Variants in TGFB1 observed in about 807,000 individuals in gnomAD.
TGFB1 encodes the protein transforming growth factor beta-1 proprotein.
In TGFB1, 19 loss-of-function variants were observed where a neutral mutation model predicts 43.8. That is an observed-to-expected ratio of 0.43 (90% CI 0.30 to 0.64). The LOEUF is 0.64. Ranked by LOEUF, TGFB1 falls within the 30% of genes least tolerant of loss-of-function variation. The pLI, the probability that TGFB1 is intolerant of heterozygous loss-of-function variation, is 0.11. For missense variants in TGFB1, 445 were observed against 529.8 expected (o/e 0.84, Z 1.57); for synonymous variants, 221 against 236.3 (o/e 0.94, Z 0.60).
intron 5 of TGFB1, among the ~76,000 whole-genome samples, chr19:41,338,191 CA>C (rs112843512): frequency 0.044 from 6,031 of 135,804 alleles, 159 homozygotes; most frequent in South Asian, 0.087. Context: ...GACTCTGTCT[CA>C]AAAAAAAAAA....
chr19:41,344,824 A>C lies in TGFB1; in HGVS notation c.557T>G (p.Leu186Arg). 6.2e-7 allele frequency: 1 copy of C among 1,609,314 alleles called. No individual in the cohort carries two copies. Among genetic ancestry groups the C allele is most frequent in the Non-Finnish European group, 8.5e-7 (1 of 1,177,794 alleles). The change falls in exon 3 of 7, where the codon CTG becomes CGG. Residue 186 changes from leucine to arginine, a missense_variant. Leu to Arg is a moderately radical substitution (Grantham distance 102). Around this residue, in one of 3 missense-constraint regions of TGFB1, gnomAD observed 366 missense variants for 428.8 expected, o/e 0.85. Coordinates refer to ENST00000221930, the MANE Select transcript of TGFB1 (RefSeq NM_000660.7). ...NNSWRYLSNR[L>R]LAPSDSPEWL... ...CTCTGGCGAGTCGCTGGGTGCCAGC[A>C]GCCGGTTGCTGAGGTATCGCCAGGA...
Position 41,330,855 on chromosome 19 carries a change from T to G in TGFB1, c.*197A>C. 2.2e-5 allele frequency: 11 copies of G among 501,654 alleles called. No individual in the cohort carries two copies. Among genetic ancestry groups the G allele is most frequent in the Non-Finnish European group, 3.2e-5 (9 of 284,704 alleles). 31.1% of individuals were successfully genotyped at this position (501,654 alleles called of 1,614,324 possible). A position where few individuals can be genotyped will look rare whatever the true frequency, so the allele number is the denominator to read the frequency against. ...GAGAGGGAGAGAGAGGGAGTGGGAGTGGGGGAACGTCAGGGATGGAGACCC... is the reference window on the plus strand; with the variant it reads ...GAGAGGGAGAGAGAGGGAGTGGGAGGGGGGGAACGTCAGGGATGGAGACCC... On this transcript the variant is annotated 3_prime_UTR_variant, in exon 7 of 7. Coordinates refer to ENST00000221930, the MANE Select transcript of TGFB1 (RefSeq NM_000660.7).
chr19:41,347,510 G>A (rs917622395), intron 2 of TGFB1, among the ~76,000 whole-genome samples: 1 of 151,962 alleles, frequency 6.6e-6, no homozygotes, highest in African/African-American at 2.4e-5. Context: ...AACATCCTAG[G>A]ATGCAAAGAG....
chr19:41,331,485 C>T (rs1429609600), intron 6 of TGFB1, among the ~76,000 whole-genome samples: 1 of 151,932 alleles, frequency 6.6e-6, no homozygotes, highest in Admixed American at 6.6e-5. Context: ...TCGCTGCAGC[C>T]TCAACCTCCT....
intron 5 of TGFB1, among the ~76,000 whole-genome samples, chr19:41,334,191 A>G (rs2037964628): frequency 6.6e-6 from 1 of 151,860 alleles, no homozygotes; most frequent in African/African-American, 2.4e-5. Context: ...CCTGACCAAC[A>G]TGGCGAAACC....
At chr19:41,336,990 C>G (rs2037994953) in intron 5 of TGFB1, among the ~76,000 whole-genome samples, 1 of 150,236 alleles carries the variant, frequency 6.7e-6, no homozygotes, top group Admixed American at 6.6e-5. Flanking sequence ...TGGAGTCTCA[C>G]TCTGTCACCC....
intron 5 of TGFB1, among the ~76,000 whole-genome samples, chr19:41,337,694 C>G (rs1209165409): frequency 6.6e-6 from 1 of 152,132 alleles, no homozygotes; most frequent in African/African-American, 2.4e-5. Flanking sequence ...CATGGGTCCT[C>G]TTACAAAATT....
intron 5 of TGFB1, among the ~76,000 whole-genome samples, chr19:41,332,554 C>CG (rs1371985490): frequency 1.3e-5 from 2 of 152,148 alleles, no homozygotes; most frequent in Non-Finnish European, 2.9e-5. Flanking sequence ...TGACCATCCA[C>CG]GGGGGGGCTA....
intron 5 of TGFB1, among the ~76,000 whole-genome samples, chr19:41,335,994 GTT>G (rs373830946): frequency 1.6e-4 from 22 of 134,864 alleles, no homozygotes; most frequent in South Asian, 7.2e-4. Context: ...TCCTATGAAA[GTT>G]TTTTTTTTTT....
At chr19:41,347,613 A>C (rs1161240908) in intron 2 of TGFB1, among the ~76,000 whole-genome samples, 1 of 151,894 alleles carries the variant, frequency 6.6e-6, no homozygotes, top group Non-Finnish European at 1.5e-5. Context: ...GAATCACTTG[A>C]GGGCAGGAGT....
intron 3 of TGFB1, among the ~76,000 whole-genome samples, chr19:41,344,120 C>CGTATGCTCCCACCAAGTCTCCCA (rs1176817970): frequency 1.3e-5 from 2 of 151,468 alleles, no homozygotes; most frequent in African/African-American, 2.4e-5. Context: ...GCAGCTGGAA[C>CGTATGCTCCCACCAAGTCTCCCA]TACAGGCACG....
At chr19:41,352,413 T>G (rs1268887149) in intron 1 of TGFB1, among the ~76,000 whole-genome samples, 1 of 127,424 alleles carries the variant, frequency 7.8e-6, no homozygotes, top group Non-Finnish European at 1.6e-5. Flanking sequence ...TGTCTCCCTC[T>G]AGGGGACTGC....
At chr19:41,340,911 T>C (rs2038047566) in intron 5 of TGFB1, among the ~76,000 whole-genome samples, 1 of 152,210 alleles carries the variant, frequency 6.6e-6, no homozygotes, top group East Asian at 1.9e-4. Flanking sequence ...TCTAGCATTC[T>C]AGAATCCCAG....
chr19:41,352,799 G>T lies in TGFB1; in HGVS notation c.246C>A (p.Asn82Lys). The change falls in exon 1 of 7, where the codon AAC (asparagine) becomes AAA (lysine). Residue 82 changes from asparagine to lysine, a missense_variant. Asn to Lys is a moderately conservative substitution (Grantham distance 94). Coordinates refer to ENST00000221930, the MANE Select transcript of TGFB1 (RefSeq NM_000660.7). Reference protein sequence around the residue: ...PLPEAVLALYNSTRDRVAGES... With the variant: ...PLPEAVLALYKSTRDRVAGES... ...CCCCGGCCACCCGGTCGCGGGTGCT[G>T]TTGTACAGGGCGAGCACGGCCTCGG... 1 of 1,608,760 alleles carries T rather than the reference G, an allele frequency of 6.2e-7. No individual in the cohort carries two copies. The highest frequency in any genetic ancestry group is 8.5e-7 in the Non-Finnish European group (1 of 1,177,352).
At chr19:41,350,594 C>T (rs943882762) in intron 1 of TGFB1, among the ~76,000 whole-genome samples, 1 of 152,176 alleles carries the variant, frequency 6.6e-6, no homozygotes, top group Non-Finnish European at 1.5e-5. Context: ...AGGCGTGAGC[C>T]ACCGCGCCCA....
At chr19:41,331,258 A>G in intron 6 of TGFB1, 48 bp from the exon 7 acceptor site, 1 of 1,461,038 alleles carries the variant, frequency 6.8e-7, no homozygotes, top group South Asian at 1.3e-5. Flanking sequence ...GGAGGGAGGA[A>G]AACGGCCCTC....
At chr19:41,334,348 C>A (rs977710396) in intron 5 of TGFB1, among the ~76,000 whole-genome samples, 3 of 151,636 alleles carry the variant, frequency 2.0e-5, no homozygotes, top group Non-Finnish European at 4.4e-5. Context: ...TGCACTCCAC[C>A]CAGGGCAACA....
Position 41,342,011 on chromosome 19 carries a change from T to C in TGFB1, c.732A>G (p.Arg244=), listed in dbSNP as rs2038061228. 1 of 1,614,014 alleles carries C rather than the reference T, an allele frequency of 6.2e-7. No homozygotes were observed. Among genetic ancestry groups the C allele is most frequent in the Non-Finnish European group, 8.5e-7 (1 of 1,180,036 alleles). The change falls in exon 5 of 7, where the codon CGA becomes CGG. Residue 244 remains arginine, a synonymous_variant. Transcript: ENST00000221930. ...VDINGFTTGR[R]GDLATIHGMN... is the part of the protein sequence containing the mutation. ...TGCCATGAATGGTGGCCAGGTCACCTCGGCGGCCGGTAGTGAACCCTGCTT... is the reference window on the plus strand; with the variant it reads ...TGCCATGAATGGTGGCCAGGTCACCCCGGCGGCCGGTAGTGAACCCTGCTT...
intron 5 of TGFB1, among the ~76,000 whole-genome samples, chr19:41,341,466 C>CAAAAAAAAAAAAAAAAA (rs770264069): frequency 2.8e-5 from 1 of 35,582 alleles, no homozygotes; most frequent in Non-Finnish European, 4.7e-5. Flanking sequence ...GACTCTGTCT[C>CAAAAAAAAAAAAAAAAA]AAAAAAAAAA....
Sources: gnomAD v4.1 joint callset for allele counts (sites outside exome capture counted in the v4.1 genomes callset) on GRCh38, gnomAD v4.1.1 for gene constraint, gnomAD v4.1.1 regional missense constraint, MANE v1.5 for transcripts, NCBI Gene and HGNC (gene_info 2026-07-23, HGNC 2026-07-21) for gene names.